TMEM181: variants seen among roughly 807,000 people sequenced by gnomAD.
The protein encoded by TMEM181 is transmembrane protein 181, also known as G protein-coupled receptor 178.
TMEM181 carries 39 observed loss-of-function variants against 71.9 expected under a neutral mutation model. The observed-to-expected ratio is 0.54, with a 90% CI of 0.42 to 0.71. The LOEUF (loss-of-function observed/expected upper bound fraction) is 0.71, where lower values mean the gene tolerates loss of function less well. Ranked by LOEUF, TMEM181 falls within the 30% of genes least tolerant of loss-of-function variation. The pLI is 0.00. For missense variants in TMEM181, 595 were observed against 583.0 expected, an observed-to-expected ratio of 1.02 and a Z score of -0.21; for synonymous variants, 245 against 228.8, an observed-to-expected ratio of 1.07 and a Z score of -0.64.
At chr6:158,593,066 C>CGA (rs1196220903) in intron 6 of TMEM181, among the ~76,000 whole-genome samples, 1 of 152,202 alleles carries the variant, frequency 6.6e-6, no homozygotes, top group Non-Finnish European at 1.5e-5. Context: ...AAAGCCTCTA[C>CGA]TTCCATGTTC....
intron 6 of TMEM181, among the ~76,000 whole-genome samples, chr6:158,595,260 A>G (rs1784329463): frequency 6.6e-6 from 1 of 152,244 alleles, no homozygotes; most frequent in South Asian, 2.1e-4. Context: ...GCTTTTTATT[A>G]TAAGCTGCTT....
chr6:158,571,734 G>A (rs1782861481), intron 1 of TMEM181, among the ~76,000 whole-genome samples: 1 of 152,270 alleles, frequency 6.6e-6, no homozygotes, highest in Admixed American at 6.5e-5. Context: ...CTTGCCCAGA[G>A]GAGTTGGTGT....
chr6:158,577,114 C>T (rs934214227), intron 2 of TMEM181, among the ~76,000 whole-genome samples: 2 of 148,260 alleles, frequency 1.3e-5, no homozygotes, highest in Non-Finnish European at 3.0e-5. Context: ...TATGACCCAT[C>T]GAAGGGAAAA....
upstream of TMEM181, chr6:158,559,997 C>A: frequency 1.0e-6 from 1 of 965,802 alleles, no homozygotes; most frequent in Non-Finnish European, 1.2e-6. Flanking sequence ...CCACCCCCCT[C>A]GCCGCGCGCC....
At chr6:158,628,837 C>T (rs1468831530) in intron 14 of TMEM181, among the ~76,000 whole-genome samples, 2 of 152,208 alleles carry the variant, frequency 1.3e-5, no homozygotes, top group African/African-American at 2.4e-5. Context: ...AAATGAGGTG[C>T]GGTTGCCTCT....
intron 10 of TMEM181, among the ~76,000 whole-genome samples, chr6:158,608,981 C>T (rs985104373): frequency 2.0e-5 from 3 of 152,016 alleles, no homozygotes; most frequent in African/African-American, 7.3e-5. Flanking sequence ...GCCTGTAGTC[C>T]CAGCTCCCTG....
chr6:158,623,330 A>G (rs905221266), intron 10 of TMEM181, among the ~76,000 whole-genome samples: 1 of 152,220 alleles, frequency 6.6e-6, no homozygotes, highest in Non-Finnish European at 1.5e-5. Flanking sequence ...TCCAATACTG[A>G]TAAATGTGGA....
intron 1 of TMEM181, among the ~76,000 whole-genome samples, chr6:158,545,889 G>T (rs192172226): frequency 6.6e-6 from 1 of 152,066 alleles, no homozygotes; most frequent in Non-Finnish European, 1.5e-5. Flanking sequence ...TGCCCTCTGC[G>T]CTGTGTTTGT....
At chr6:158,612,265 G>A (rs1403984377) in intron 10 of TMEM181, among the ~76,000 whole-genome samples, 2 of 152,152 alleles carry the variant, frequency 1.3e-5, no homozygotes, top group African/African-American at 2.4e-5. Flanking sequence ...TGAAAATGGG[G>A]GTGTTTGTCC....
chr6:158,625,636 A>G (rs1786230376), intron 12 of TMEM181, 67 bp from the exon 13 acceptor site: 2 of 1,443,832 alleles, frequency 1.4e-6, no homozygotes, highest in Non-Finnish European at 1.9e-6. Flanking sequence ...TTTGTTTTTT[A>G]TTTTTCAAAA....
chr6:158,631,911 G>A lies in TMEM181; in HGVS notation c.*23G>A, dbSNP rs376138263. Reference sequence around the variant, plus strand: ...TGAGCCCCGGCCAGCCCAGCGAGGCGACAAGATGCCTGGATGCTTTCCCCG... The same window carrying A: ...TGAGCCCCGGCCAGCCCAGCGAGGCAACAAGATGCCTGGATGCTTTCCCCG... On this transcript the variant is annotated 3_prime_UTR_variant, in exon 17 of 17. Coordinates refer to ENST00000684151, the MANE Select transcript of TMEM181 (RefSeq NM_001376852.1). The A allele has an allele frequency of 2.2e-5, 34 of 1,564,824 alleles. No homozygotes were observed. The East Asian group carries it at 2.8e-4, about 13-fold the overall frequency.
At chr6:158,593,730 C>A (rs1452715653) in intron 6 of TMEM181, among the ~76,000 whole-genome samples, 1 of 152,054 alleles carries the variant, frequency 6.6e-6, no homozygotes, top group African/African-American at 2.4e-5. Context: ...AAATATAATT[C>A]TTTTTTTTCC....
chr6:158,586,030 C>A (rs1783751349), intron 5 of TMEM181, among the ~76,000 whole-genome samples: 2 of 152,168 alleles, frequency 1.3e-5, no homozygotes, highest in Non-Finnish European at 1.5e-5. Flanking sequence ...TTGGGTTGTT[C>A]CCAGCCGAGT....
intron 10 of TMEM181, among the ~76,000 whole-genome samples, chr6:158,614,783 C>T (rs1271235741): frequency 6.6e-6 from 1 of 152,148 alleles, no homozygotes; most frequent in East Asian, 1.9e-4. Context: ...TGATGGTTTC[C>T]AGCTTCATCC....
intron 1 of TMEM181, among the ~76,000 whole-genome samples, chr6:158,553,914 AT>A (rs905352971): frequency 6.7e-5 from 10 of 148,526 alleles, no homozygotes; most frequent in Admixed American, 2.7e-4. Flanking sequence ...CATTATTTTT[AT>A]TTTTTTTTTG....
At chr6:158,565,001 G>C (rs1365830951) in intron 1 of TMEM181, among the ~76,000 whole-genome samples, 2 of 152,178 alleles carry the variant, frequency 1.3e-5, no homozygotes, top group Non-Finnish European at 2.9e-5. Context: ...GCCTACCGTC[G>C]TGGTGGTTTG....
At chr6:158,544,219 T>TGTGTGTGTGTGTGTG (rs1781451705) in intron 1 of TMEM181, among the ~76,000 whole-genome samples, 1 of 64,560 alleles carries the variant, frequency 1.5e-5, no homozygotes, top group African/African-American at 7.3e-5. Context: ...GTGTGTGTGT[T>TGTGTGTGTGTGTGTG]GGGGTGAGGG....
In TMEM181 at chr6:158,536,870, G is replaced by A. The variant is rs1781128018; in HGVS notation, c.131+5G>A. 2.2e-6 allele frequency: 3 copies of A among 1,360,298 alleles called. No homozygotes were observed. In the South Asian group the frequency reaches 5.9e-5, roughly 27 times the overall value. The allele number at this position is 1,360,298 out of a possible 1,614,324, so 84.3% of individuals were successfully genotyped here. ...CAAGGATGACCGCTACTACAGGTGG[G>A]CGCGGCGCGGGCAGCGGCGGGGCGG... On this transcript the variant is annotated splice_donor_5th_base_variant and intron_variant, in intron 1 of 16. Transcript: ENST00000367090.
chr6:158,614,380 TA>T (rs1163280048), intron 10 of TMEM181, among the ~76,000 whole-genome samples: 2 of 152,218 alleles, frequency 1.3e-5, no homozygotes, highest in Non-Finnish European at 2.9e-5. Context: ...TTTTATTACA[TA>T]AAAATCCTCT....
Sources: gnomAD v4.1 joint callset for allele counts (sites outside exome capture counted in the v4.1 genomes callset) on GRCh38, gnomAD v4.1.1 for gene constraint, MANE v1.5 for transcripts, NCBI Gene and HGNC (gene_info 2026-07-23, HGNC 2026-07-21) for gene names.